Variants in SYCP3 observed in about 807,000 individuals in gnomAD.
The protein encoded by SYCP3 is synaptonemal complex protein 3.
In SYCP3, 29 loss-of-function variants were observed where a neutral mutation model predicts 38.5. The ratio of observed to expected loss-of-function variants is 0.75; its 90% CI spans 0.56 to 1.03. SYCP3 has a LOEUF of 1.03. SYCP3 is among the 50% of genes least tolerant of loss of function. The pLI, the probability that SYCP3 is intolerant of heterozygous loss-of-function variation, is 0.00. For missense variants in SYCP3, 242 were observed against 270.7 expected, an observed-to-expected ratio of 0.89 and a Z score of 0.74; for synonymous variants, 79 against 80.3, an observed-to-expected ratio of 0.98 and a Z score of 0.08.
In SYCP3 at chr12:101,737,856, A is replaced by G. The variant is rs193241367; in HGVS notation, c.80T>C (p.Phe27Ser). ...VEDQFTRAYD[F>S]ETEDKKDLSG... is the part of the protein sequence containing the mutation. ...CAGATCTTTCTTATCTTCAGTCTCA[A>G]AGTCATAGGCTCTCGTAAACTGATC... Residue 27 changes from phenylalanine (F) to serine (S), a missense_variant, in exon 2 of 9, where the codon TTT (phenylalanine) becomes TCT (serine). By Grantham distance (155) the Phe-to-Ser change is radical. Transcript: ENST00000392924. 1.2e-4 allele frequency: 193 copies of G among 1,614,174 alleles called. 2 individuals carry two copies. The highest frequency in any genetic ancestry group is 2.2e-4 in the South Asian group (20 of 91,080).
intron 7 of SYCP3, among the ~76,000 whole-genome samples, chr12:101,730,139 T>C (rs1432754079): frequency 1.3e-5 from 2 of 152,022 alleles, no homozygotes; most frequent in African/African-American, 4.8e-5. Flanking sequence ...CTAGGAGGGA[T>C]AGATTGGAGA....
At chr12:101,737,765 C>G in intron 2 of SYCP3, 38 bp downstream of exon 2, 1 of 1,613,782 alleles carries the variant, frequency 6.2e-7, no homozygotes, top group South Asian at 1.1e-5. Flanking sequence ...AACAAATGAA[C>G]TGAAGGACAT....
chr12:101,739,190 CACTAGG>C, intron 1 of SYCP3, 155 bp downstream of exon 1: 1 of 884,816 alleles, frequency 1.1e-6, no homozygotes, highest in Non-Finnish European at 1.4e-6. Context: ...GCCCGCTTTC[CACTAGG>C]CCCTATCCTG....
intron 1 of SYCP3, 87 bp from the exon 2 acceptor site, chr12:101,738,039 C>A: frequency 6.8e-7 from 1 of 1,465,476 alleles, no homozygotes; most frequent in Non-Finnish European, 9.5e-7. Flanking sequence ...AAGGAGATAT[C>A]GAACAAGGAT....
rs1300106250 is a variant in SYCP3 at position 101,737,783 on chromosome 12, C to T, written c.133+20G>A. 1 of 1,614,026 alleles carries T rather than the reference C, an allele frequency of 6.2e-7. No homozygotes were observed. The highest frequency in any genetic ancestry group is 1.1e-5 in the South Asian group (1 of 91,062). ...AAATGAACTGAAGGACATCACTGCC[C>T]AACATGAGATGTACTGCACCTTCAA... On this transcript the variant is annotated intron_variant, in intron 2 of 8. Transcript: ENST00000392924.
chr12:101,735,506 C>G (rs1045880901), intron 4 of SYCP3, among the ~76,000 whole-genome samples: 14 of 151,926 alleles, frequency 9.2e-5, no homozygotes, highest in Admixed American at 2.6e-4. Context: ...ACTAAAAATA[C>G]AAAAATTAGC....
In SYCP3 at chr12:101,728,660, G is replaced by A. The variant is rs1177328771; in HGVS notation, c.*267C>T. The A allele has an allele frequency of 1.7e-5, 7 of 412,594 alleles. No homozygotes were observed. Among genetic ancestry groups the A allele is most frequent in the African/African-American group, 4.1e-5 (2 of 49,146 alleles). 25.6% of individuals were successfully genotyped at this position (412,594 alleles called of 1,614,324 possible). On this transcript the variant is annotated 3_prime_UTR_variant, in exon 9 of 9. Coordinates refer to ENST00000392924, the MANE Select transcript of SYCP3 (RefSeq NM_001177949.2). ...ATGAAGCCAAACCTAAAATTAAATC[G>A]TCTTTATTTAATTGACAGTGTTAGA...
rs1323877524 is a variant in SYCP3, at chr12:101,729,113, T to C, written c.653A>G (p.Glu218Gly). ...AATTTCAATATGATCACTTACAGTT[T>C]CCATCATAATTTTTTTTTGCAACAT... ...MAMLQKKIMM[E>G]TQQQEIASVR... is the part of the protein sequence containing the mutation. Residue 218 changes from glutamate to glycine, a missense_variant, in exon 8 of 9, where the codon GAA (glutamate) becomes GGA (glycine). By Grantham distance (98) the Glu-to-Gly change is moderately conservative. Coordinates refer to ENST00000392924, the MANE Select transcript of SYCP3 (RefSeq NM_001177949.2). The C allele has an allele frequency of 6.2e-7, 1 of 1,609,572 alleles. No homozygotes were observed. Among genetic ancestry groups the C allele is most frequent in the Non-Finnish European group, 8.5e-7 (1 of 1,176,676 alleles).
Position 101,737,867 on chromosome 12 carries a change from T to C in SYCP3, c.69A>G (p.Arg23=), listed in dbSNP as rs1952519984. ...GKPSVEDQFT[R]AYDFETEDKK... ...TATCTTCAGTCTCAAAGTCATAGGC[T>C]CTCGTAAACTGATCTTCCACAGACG... is the stretch of plus-strand genomic sequence containing the variant. The change falls in exon 2 of 9, where the codon AGA becomes AGG. Residue 23 remains arginine, a synonymous_variant. Coordinates refer to ENST00000392924, the MANE Select transcript of SYCP3 (RefSeq NM_001177949.2). 1 of 1,614,074 alleles carries C rather than the reference T, an allele frequency of 6.2e-7. No homozygotes were observed. Among genetic ancestry groups the C allele is most frequent in the South Asian group, 1.1e-5 (1 of 91,084 alleles).
chr12:101,733,464 G>A, intron 6 of SYCP3, 111 bp downstream of exon 6: 3 of 933,382 alleles, frequency 3.2e-6, no homozygotes, highest in South Asian at 1.4e-5. Context: ...AAAACACATG[G>A]CCAGCAATGG....
chr12:101,734,785 T>G (rs1210906563), intron 5 of SYCP3, 142 bp downstream of exon 5: 1 of 606,344 alleles, frequency 1.6e-6, no homozygotes, highest in African/African-American at 1.9e-5. Context: ...TGACCTCAAG[T>G]GATCTGCCTG....
At position 101,733,599 on chromosome 12, in the gene SYCP3, A is replaced by G; in HGVS notation, c.429T>C (p.Ala143=). Residue 143 remains alanine, a synonymous_variant, in exon 6 of 9, where the codon GCT becomes GCC. Coordinates refer to ENST00000392924, the MANE Select transcript of SYCP3 (RefSeq NM_001177949.2). ...FQQWDLDMQK[A]EEQEEKILNM... ...CAAGTATTTTTTCTTCTTGTTCCTC[A>G]GCTTTCTGCATATCTAAATCCCACT... 1.2e-6 allele frequency: 2 copies of G among 1,612,622 alleles called. No homozygotes were observed. The highest frequency in any genetic ancestry group is 1.7e-6 in the Non-Finnish European group (2 of 1,179,916).
intron 4 of SYCP3, among the ~76,000 whole-genome samples, 159 bp from the exon 5 acceptor site, chr12:101,735,203 GCTTA>G (rs777478085): frequency 6.6e-6 from 1 of 152,022 alleles, no homozygotes; most frequent in African/African-American, 2.4e-5. Context: ...AGAATTGTTT[GCTTA>G]CTTTTTTTTT....
At chr12:101,734,659 G>A (rs980595812) in intron 5 of SYCP3, among the ~76,000 whole-genome samples, 2 of 151,838 alleles carry the variant, frequency 1.3e-5, no homozygotes, top group Admixed American at 6.6e-5. Flanking sequence ...GCAGTGTCAC[G>A]ACCTTGGCTC....
rs1199310176 is a variant in SYCP3 at position 101,734,973 on chromosome 12, T to C, written c.307A>G (p.Ser103Gly). ...EMYTKASLKT[S>G]NQKIEHVWKT... ...CAAACATGTTCAATTTTCTGGTTAC[T>C]AGTTTTGAGAGAAGCCTTGGTATAC... Residue 103 changes from serine to glycine, a missense_variant, in exon 5 of 9, where the codon AGT becomes GGT. Coordinates refer to ENST00000392924, the MANE Select transcript of SYCP3 (RefSeq NM_001177949.2). The C allele has an allele frequency of 1.2e-6, 2 of 1,613,898 alleles. No individual in the cohort carries two copies. The highest frequency in any genetic ancestry group is 2.2e-5 in the East Asian group (1 of 44,832).
intron 5 of SYCP3, 73 bp downstream of exon 5, chr12:101,734,854 A>C (rs1297076044): frequency 9.5e-7 from 1 of 1,049,068 alleles, no homozygotes; most frequent in Non-Finnish European, 1.5e-6. Context: ...ATCCTAGAAT[A>C]GTATTTTTCA....
In SYCP3 at chr12:101,731,656, C is replaced by T. The variant is rs202152104; in HGVS notation, c.464G>A (p.Arg155Gln). ...EQEEKILNMF[R>Q]QQQKILQQSR... ...TTGTTGAAGAATCTTTTGTTGCTGT[C>T]GAAACATATTCTACAAATATAAAAG... The change falls in exon 7 of 9, where the codon CGA (arginine) becomes CAA (glutamine). Residue 155 changes from arginine to glutamine, a missense_variant. Physicochemically the swap from Arg to Gln is conservative, Grantham distance 43. Transcript: ENST00000392924. 2.0e-5 allele frequency: 32 copies of T among 1,595,804 alleles called. No individual in the cohort carries two copies. The East Asian group carries it at 6.1e-4, about 30-fold the overall frequency.
At chr12:101,734,348 C>A (rs985290595) in intron 5 of SYCP3, among the ~76,000 whole-genome samples, 1 of 152,098 alleles carries the variant, frequency 6.6e-6, no homozygotes, top group Non-Finnish European at 1.5e-5. Flanking sequence ...TCGCTTGAGC[C>A]TAGGAGTTCA....
intron 1 of SYCP3, among the ~76,000 whole-genome samples, chr12:101,738,600 G>T (rs1227920288): frequency 6.6e-6 from 1 of 152,188 alleles, no homozygotes; most frequent in African/African-American, 2.4e-5. Context: ...GCCGGGCGCG[G>T]TGGCGGGTGC....
Sources: gnomAD v4.1 joint callset for allele counts (sites outside exome capture counted in the v4.1 genomes callset) on GRCh38, gnomAD v4.1.1 for gene constraint, MANE v1.5 for transcripts, NCBI Gene and HGNC (gene_info 2026-07-23, HGNC 2026-07-21) for gene names.